Variants in NAALADL2 observed in about 807,000 individuals in gnomAD.
NAALADL2 encodes N-acetylated alpha-linked acidic dipeptidase like 2.
A neutral mutation model predicts 87.2 loss-of-function variants in NAALADL2; 76 were observed. The ratio of observed to expected loss-of-function variants is 0.87; its 90% confidence interval spans 0.72 to 1.05. NAALADL2 has a LOEUF of 1.05. Ranked by LOEUF, NAALADL2 falls within the 50% of genes least tolerant of loss-of-function variation. The pLI is 0.00. For missense variants in NAALADL2, 1,089 were observed against 945.8 expected (o/e 1.15, Z -1.99); for synonymous variants, 354 against 331.0 (o/e 1.07, Z -0.75).
At chr3:174,581,382 A>C (rs558416057) in intron 2 of NAALADL2, among the ~76,000 whole-genome samples, 1 of 152,278 alleles carries the variant, frequency 6.6e-6, no homozygotes, top group East Asian at 1.9e-4. Context: ...TTTTGAGATA[A>C]AACTGGAAGT....
chr3:175,719,006 G>T (rs1006168530), intron 11 of NAALADL2, among the ~76,000 whole-genome samples: 1 of 152,066 alleles, frequency 6.6e-6, no homozygotes, highest in East Asian at 1.9e-4. Context: ...TATCTCATCC[G>T]CTTTGTGCTA....
At chr3:175,451,886 T>C (rs1228263443) in intron 6 of NAALADL2, among the ~76,000 whole-genome samples, 7 of 152,284 alleles carry the variant, frequency 4.6e-5, no homozygotes, top group Middle Eastern at 3.5e-3. Flanking sequence ...CCGATCATCT[T>C]GTTTATAATT....
At chr3:174,698,143 T>C (rs947386196) in intron 2 of NAALADL2, among the ~76,000 whole-genome samples, 3 of 152,074 alleles carry the variant, frequency 2.0e-5, no homozygotes, top group Admixed American at 6.6e-5. Flanking sequence ...ATAAATGTAT[T>C]GTGTAATATA....
At chr3:174,989,545 T>C (rs1401596290) in intron 1 of NAALADL2, among the ~76,000 whole-genome samples, 1 of 152,166 alleles carries the variant, frequency 6.6e-6, no homozygotes, top group African/African-American at 2.4e-5. Context: ...GTTTTTATGT[T>C]GTTGGTAGGT....
At chr3:175,520,367 C>T (rs1000091928) in intron 9 of NAALADL2, among the ~76,000 whole-genome samples, 1 of 148,172 alleles carries the variant, frequency 6.7e-6, no homozygotes, top group Non-Finnish European at 1.5e-5. Context: ...GGTGCAATCT[C>T]GGCTCACTGC....
rs557836858 is a variant in NAALADL2 at position 175,507,155 on chromosome 3, G to A, written c.1653+35397G>A. ...AAGGCTAATAAACCTTTCTTTCAAC[G>A]TTCCCTCTGTCTGTAGATACTGCTC... is the stretch of plus-strand genomic sequence containing the variant. On this transcript the variant is annotated intron_variant, in intron 9 of 13. Transcript: ENST00000454872. Among the ~76,000 whole-genome samples the A allele has an allele frequency of 9.3e-5, 14 of 150,336 alleles. No individual in the cohort carries two copies. The South Asian group carries it at 1.1e-3, about 11-fold the overall frequency.
At chr3:175,248,999 T>C (rs1425021821) in intron 3 of NAALADL2, among the ~76,000 whole-genome samples, 1 of 152,080 alleles carries the variant, frequency 6.6e-6, no homozygotes, top group Admixed American at 6.6e-5. Context: ...CCAATTTTGG[T>C]CTAGAGTCAA....
At chr3:174,755,927 C>G (rs1711996399) in intron 3 of NAALADL2, among the ~76,000 whole-genome samples, 1 of 152,196 alleles carries the variant, frequency 6.6e-6, no homozygotes, top group Admixed American at 6.5e-5. Flanking sequence ...TGCATAGGCC[C>G]ATTGTGTAGG....
At chr3:174,976,840 A>G (rs544120942) in intron 1 of NAALADL2, among the ~76,000 whole-genome samples, 51 of 152,316 alleles carry the variant, frequency 3.3e-4, no homozygotes, top group South Asian at 1.4e-3. Flanking sequence ...AGATATTAAG[A>G]TTTTCAGCTT....
intron 2 of NAALADL2, among the ~76,000 whole-genome samples, chr3:174,703,790 G>C (rs1729800634): frequency 6.6e-6 from 1 of 152,124 alleles, no homozygotes; most frequent in East Asian, 1.9e-4. Context: ...TAACCTTACA[G>C]ACATCTTTAT....
At position 175,724,095 on chromosome 3, in the gene NAALADL2, A is replaced by T. The variant is rs1029903981; in HGVS notation, c.1897-13211A>T. Among the ~76,000 whole-genome samples the T allele has an allele frequency of 2.0e-5, 3 of 152,272 alleles. No homozygotes were observed. The East Asian group carries it at 5.8e-4, about 29-fold the overall frequency. On this transcript the variant is annotated intron_variant, in intron 11 of 13. Coordinates refer to ENST00000454872, the MANE Select transcript of NAALADL2 (RefSeq NM_207015.3). Reference sequence around the variant, plus strand: ...TTTACCATTTAACTGAGGACTGTTGAATTATATGTAGGGGCTTTATAAGCA... The same window carrying T: ...TTTACCATTTAACTGAGGACTGTTGTATTATATGTAGGGGCTTTATAAGCA...
At chr3:174,541,686 C>T (rs2108467667) in intron 1 of NAALADL2, among the ~76,000 whole-genome samples, 1 of 152,230 alleles carries the variant, frequency 6.6e-6, no homozygotes, top group East Asian at 1.9e-4. Context: ...TTTCTTCCTA[C>T]ACAACTCTTT....
intron 1 of NAALADL2, among the ~76,000 whole-genome samples, chr3:175,045,957 G>A (rs558295100): frequency 4.6e-5 from 7 of 151,546 alleles, no homozygotes; most frequent in African/African-American, 1.7e-4. Context: ...AAGACATTCA[G>A]AGATAAGAGA....
chr3:174,707,691 T>C (rs968409457), intron 2 of NAALADL2, among the ~76,000 whole-genome samples: 6 of 151,058 alleles, frequency 4.0e-5, no homozygotes, highest in African/African-American at 1.5e-4. Context: ...ATATACCTAA[T>C]GTGAATGACG....
At chr3:175,003,139 A>G (rs1748468048) in intron 1 of NAALADL2, among the ~76,000 whole-genome samples, 1 of 152,202 alleles carries the variant, frequency 6.6e-6, no homozygotes, top group African/African-American at 2.4e-5. Context: ...TGAAATTCTC[A>G]TTAAAAAATG....
chr3:175,755,636 T>A (rs1747170599), intron 13 of NAALADL2, among the ~76,000 whole-genome samples: 1 of 151,688 alleles, frequency 6.6e-6, no homozygotes, highest in South Asian at 2.1e-4. Flanking sequence ...AAAAAATGAG[T>A]AAGAAGTTTC....
In NAALADL2 at chr3:175,324,157, C is replaced by T. The variant is rs1581424100; in HGVS notation, c.940-18C>T. 2 of 1,608,338 alleles carry T rather than the reference C, an allele frequency of 1.2e-6. No homozygotes were observed. Among genetic ancestry groups the T allele is most frequent in the South Asian group, 2.2e-5 (2 of 90,512 alleles). On this transcript the variant is annotated intron_variant, in intron 4 of 13. Transcript: ENST00000454872. The stretch of plus-strand genomic sequence containing the variant: ...ATGTGCATGATAATATTTTTAATAG[C>T]TTGCTTCCCTCTTTTAGCTTTCCTC...
intron 9 of NAALADL2, among the ~76,000 whole-genome samples, chr3:175,534,802 A>G (rs1410883769): frequency 6.6e-6 from 1 of 151,782 alleles, no homozygotes; most frequent in Admixed American, 6.6e-5. Context: ...TGGTTCTATG[A>G]TTGGTTTTCT....
chr3:175,341,916 T>A (rs1560394965), intron 5 of NAALADL2, among the ~76,000 whole-genome samples: 1 of 152,128 alleles, frequency 6.6e-6, no homozygotes, highest in Non-Finnish European at 1.5e-5. Flanking sequence ...GTACTGTTTG[T>A]TGAAAGATTA....
Sources: gnomAD v4.1 joint callset for allele counts (sites outside exome capture counted in the v4.1 genomes callset) on GRCh38, gnomAD v4.1.1 for gene constraint, MANE v1.5 for transcripts, NCBI Gene and HGNC (gene_info 2026-07-23, HGNC 2026-07-21) for gene names.